The following POLR3E variants were observed in gnomAD, a reference collection of about 807,000 sequenced individuals.
POLR3E encodes RNA polymerase III subunit E, also known as DNA-directed RNA polymerase III subunit RPC5.
POLR3E carries 41 observed loss-of-function variants against 96.6 expected under a neutral mutation model. The observed-to-expected ratio is 0.42, with a 90% CI of 0.33 to 0.55. POLR3E has a LOEUF of 0.55. POLR3E is among the 20% of genes least tolerant of loss of function. The pLI, the probability that POLR3E is intolerant of heterozygous loss-of-function variation, is 0.06. For missense variants in POLR3E, 849 were observed against 952.1 expected, an observed-to-expected ratio of 0.89 and a Z score of 1.43; for synonymous variants, 396 against 383.6, an observed-to-expected ratio of 1.03 and a Z score of -0.38.
chr16:22,305,087 G>C, intron 2 of POLR3E, 69 bp from the exon 3 acceptor site: 10 of 1,226,968 alleles, frequency 8.2e-6, no homozygotes, highest in Non-Finnish European at 1.2e-5. Flanking sequence ...AGCTGGAAGC[G>C]CTGGCATAGC....
At chr16:22,308,062 T>G in intron 3 of POLR3E, 86 bp from the exon 4 acceptor site, 4 of 969,024 alleles carry the variant, frequency 4.1e-6, no homozygotes, top group Non-Finnish European at 6.6e-6. Context: ...GGGGTGGGCT[T>G]GGAGATAGCT....
At chr16:22,301,445 A>G (rs992334606) in intron 1 of POLR3E, among the ~76,000 whole-genome samples, 1 of 152,140 alleles carries the variant, frequency 6.6e-6, no homozygotes, top group Non-Finnish European at 1.5e-5. Context: ...AGCTGAGCGG[A>G]TGGTGCATGC....
Position 22,313,867 on chromosome 16 carries a change from C to A in POLR3E, c.472+140C>A. On this transcript the variant is annotated intron_variant, in intron 7 of 20. Transcript: ENST00000299853. This position sits in a 1 kb window ranked among gnomAD's most constrained non-coding sequence, Gnocchi z 4.1. ...CTACTAGATGCCAGAAGCACCCACC[C>A]CACAGTCGTGACAATCAAAAAGGTC... The A allele has an allele frequency of 2.8e-6, 2 of 703,070 alleles. No individual in the cohort carries two copies. Among genetic ancestry groups the A allele is most frequent in the Non-Finnish European group, 4.9e-6 (2 of 406,226 alleles). The allele number at this position is 703,070 out of a possible 1,614,324, so 43.6% of individuals were successfully genotyped here.
chr16:22,305,623 C>T, intron 3 of POLR3E: 2 of 373,524 alleles, frequency 5.4e-6, no homozygotes, highest in Non-Finnish European at 1.1e-5. Flanking sequence ...TGCCGCCTGG[C>T]AGAGAGTTGG....
rs1315725217 is a variant in POLR3E at position 22,334,867 on chromosome 16, C to CT, written c.*1173dup. On this transcript the variant is annotated 3_prime_UTR_variant, in exon 21 of 21. Transcript: ENST00000299853. ...GGTATCTAGATAAGGCTTTCGCCATCTTTTTTGTACAACACAGTCACTAAT... is the reference window on the plus strand; with the variant it reads ...GGTATCTAGATAAGGCTTTCGCCATCTTTTTTTGTACAACACAGTCACTAAT... 1 of 152,192 alleles carries CT rather than the reference C, an allele frequency of 6.6e-6. No individual in the cohort carries two copies. The highest frequency in any genetic ancestry group is 2.4e-5 in the African/African-American group (1 of 41,448). The allele number at this position is 152,192 out of a possible 1,614,324, so 9.4% of individuals were successfully genotyped here.
In POLR3E at chr16:22,318,817, C is replaced by T; in HGVS notation, c.866-9C>T. ...CTTCCTTGTCTGATGTCTCCTGCGT[C>T]CTCCTCAGTGAAGGTCATGCCTTTT... On this transcript the variant is annotated splice_polypyrimidine_tract_variant and intron_variant, in intron 12 of 20. Coordinates refer to ENST00000299853, the MANE Select transcript of POLR3E (RefSeq NM_018119.4). This position sits in a 1 kb window ranked among gnomAD's most constrained non-coding sequence, Gnocchi z 5.0. 1.2e-6 allele frequency: 2 copies of T among 1,611,916 alleles called. No homozygotes were observed. Among genetic ancestry groups the T allele is most frequent in the Non-Finnish European group, 1.7e-6 (2 of 1,178,720 alleles).
intron 6 of POLR3E, chr16:22,309,735 G>T (rs1256431325): frequency 2.9e-5 from 17 of 580,886 alleles, no homozygotes; most frequent in Non-Finnish European, 4.9e-5. Context: ...ATGGGGTGGG[G>T]CTCCAAGTTC....
chr16:22,317,069 C>G (rs769376597), intron 11 of POLR3E, 30 bp downstream of exon 11: 3 of 1,613,888 alleles, frequency 1.9e-6, no homozygotes, highest in East Asian at 2.2e-5. Context: ...CACCCTCTCC[C>G]TTTCCGGGCT....
At chr16:22,301,555 T>A (rs1349729959) in intron 1 of POLR3E, among the ~76,000 whole-genome samples, 4 of 152,018 alleles carry the variant, frequency 2.6e-5, no homozygotes, top group African/African-American at 9.7e-5. Flanking sequence ...CACTTCAACC[T>A]GGGTGACAGA....
chr16:22,330,867 CA>C (rs1320376122), intron 19 of POLR3E, among the ~76,000 whole-genome samples: 4 of 151,540 alleles, frequency 2.6e-5, no homozygotes, highest in African/African-American at 9.7e-5. Context: ...CAGAAAGATG[CA>C]AACAAAACCA....
At chr16:22,325,351 G>C in intron 17 of POLR3E, 85 bp downstream of exon 17, 1 of 1,107,644 alleles carries the variant, frequency 9.0e-7, no homozygotes, top group Admixed American at 1.7e-5. Context: ...TGTCAGGCCC[G>C]GACCTGGAGA....
rs199792102 is a variant in POLR3E, at chr16:22,317,669, T to G, written c.865+463T>G. Among the ~76,000 whole-genome samples, 20 of 151,902 alleles carry G rather than the reference T, an allele frequency of 1.3e-4. 1 individual carries two copies. Among genetic ancestry groups the G allele is most frequent in the African/African-American group, 4.6e-4 (19 of 41,406 alleles). On this transcript the variant is annotated intron_variant, in intron 12 of 20. Transcript: ENST00000299853. ...GTTGTTGTTGTTGTTGTTGTTGTTT[T>G]TTTTTTTAAGGTTTTTTTAAAGGTT... is the stretch of plus-strand genomic sequence containing the variant.
In POLR3E at chr16:22,322,441, G is replaced by A. The variant is rs1362396124; in HGVS notation, c.987-409G>A. On this transcript the variant is annotated intron_variant, in intron 13 of 20. Coordinates refer to ENST00000299853, the MANE Select transcript of POLR3E (RefSeq NM_018119.4). The surrounding 1 kb of genome is among the most constrained non-coding windows in gnomAD (Gnocchi z 5.2). ...CATGCCCACCTGCCCCTTTCAGCAG[G>A]TGGCCAAGGGCTTGCAGATGGCTTC... is the stretch of plus-strand genomic sequence containing the variant. Among the ~76,000 whole-genome samples, 1 of 152,132 alleles carries A rather than the reference G, an allele frequency of 6.6e-6. No individual in the cohort carries two copies. Among genetic ancestry groups the A allele is most frequent in the African/African-American group, 2.4e-5 (1 of 41,410 alleles).
chr16:22,302,465 T>C (rs2048046250), intron 1 of POLR3E: 1 of 161,594 alleles, frequency 6.2e-6, no homozygotes, highest in Admixed American at 6.0e-5. Flanking sequence ...AGGATTCGAG[T>C]TAAAGTCAGC....
chr16:22,324,009 G>A (rs887743096), intron 14 of POLR3E, among the ~76,000 whole-genome samples: 9 of 152,114 alleles, frequency 5.9e-5, no homozygotes, highest in African/African-American at 9.7e-5. Flanking sequence ...GTGAAGTGCC[G>A]CCTATGCAGA....
chr16:22,329,438 G>A (rs769834878), intron 19 of POLR3E, among the ~76,000 whole-genome samples: 6 of 152,140 alleles, frequency 3.9e-5, no homozygotes, highest in Non-Finnish European at 5.9e-5. Context: ...TTCTTAGGCC[G>A]TGAACGTACC....
At chr16:22,332,291 T>TG in intron 20 of POLR3E, 106 bp downstream of exon 20, 1 of 987,736 alleles carries the variant, frequency 1.0e-6, no homozygotes, top group Non-Finnish European at 1.5e-6. Context: ...CAGGCTTCCT[T>TG]GGGACCACTC....
rs143022137 is a variant in POLR3E at position 22,320,704 on chromosome 16, T to C, written c.986+1758T>C. On this transcript the variant is annotated intron_variant, in intron 13 of 20. Transcript: ENST00000299853. ...GTTTCTATCTGGGATCATTTCGTTC[T>C]GCCTAAAGAATGCTATAGTATTTCC... Among the ~76,000 whole-genome samples, 71 of 152,372 alleles carry C rather than the reference T, an allele frequency of 4.7e-4. 1 individual carries two copies. In the East Asian group the frequency reaches 0.013, roughly 27 times the overall value.
intron 1 of POLR3E, chr16:22,298,920 A>G: frequency 2.2e-6 from 1 of 454,384 alleles, no homozygotes; most frequent in East Asian, 7.0e-5. Flanking sequence ...AACAGCTTTG[A>G]TGAAGTAAAG....
Sources: gnomAD v4.1 joint callset for allele counts (sites outside exome capture counted in the v4.1 genomes callset) on GRCh38, gnomAD v4.1.1 for gene constraint, Gnocchi (gnomAD v3.1) non-coding constraint, MANE v1.5 for transcripts, NCBI Gene and HGNC (gene_info 2026-07-23, HGNC 2026-07-21) for gene names.